The following TCF4 variants were observed in gnomAD, a reference collection of about 807,000 sequenced individuals.
TCF4 encodes the protein SL3-3 enhancer factor 2.
TCF4 carries 3 observed loss-of-function variants against 82.1 expected under a neutral mutation model. That is an observed-to-expected ratio of 0.04 (90% CI 0.02 to 0.09). The LOEUF (loss-of-function observed/expected upper bound fraction) is 0.09. Among genes scored for constraint, TCF4 ranks in the 10% least tolerant of loss-of-function variants. TCF4 has a pLI of 1.00. For missense variants in TCF4, 518 were observed against 852.7 expected (o/e 0.61, Z 4.89); for synonymous variants, 276 against 309.6 (o/e 0.89, Z 1.14).
intron 3 of TCF4, among the ~76,000 whole-genome samples, chr18:55,517,156 A>G (rs1603618421): frequency 6.6e-6 from 1 of 152,176 alleles, no homozygotes; most frequent in African/African-American, 2.4e-5. Context: ...GTTTCTTAGC[A>G]CCCTGATACT....
chr18:55,586,895 C>T, intron 2 of TCF4, 150 bp downstream of exon 2: 1 of 581,426 alleles, frequency 1.7e-6, no homozygotes. Flanking sequence ...TAGTTAAAAA[C>T]TTGTCAAAAA....
intron 10 of TCF4, among the ~76,000 whole-genome samples, chr18:55,273,370 T>G (rs187899536): frequency 1.3e-5 from 2 of 152,314 alleles, no homozygotes; most frequent in East Asian, 3.9e-4. Context: ...CTTAGCTTTT[T>G]CTTAAACTAT....
intron 8 of TCF4, chr18:55,321,391 C>T (rs1371087188): frequency 2.3e-5 from 11 of 481,660 alleles, no homozygotes; most frequent in Non-Finnish European, 3.3e-5. Context: ...CACCTCTCAA[C>T]TTTACCTGAC....
At chr18:55,399,756 G>A (rs1031703271) in intron 6 of TCF4, among the ~76,000 whole-genome samples, 2 of 151,896 alleles carry the variant, frequency 1.3e-5, no homozygotes, top group African/African-American at 4.8e-5. Context: ...AGAATAACCT[G>A]GGGAGTTGTC....
At chr18:55,330,383 T>C (rs924978037) in intron 8 of TCF4, among the ~76,000 whole-genome samples, 1 of 152,006 alleles carries the variant, frequency 6.6e-6, no homozygotes, top group Non-Finnish European at 1.5e-5. Context: ...TTTCGCTACG[T>C]TGGCCAGGAT....
At chr18:55,505,006 TACCTACA>T (rs2096738153) in intron 3 of TCF4, among the ~76,000 whole-genome samples, 1 of 152,204 alleles carries the variant, frequency 6.6e-6, no homozygotes, top group African/African-American at 2.4e-5. Flanking sequence ...TTATCCGTCT[TACCTACA>T]GCAATAAAAC....
chr18:55,422,268 T>C, intron 5 of TCF4: 8 of 985,062 alleles, frequency 8.1e-6, no homozygotes, highest in Non-Finnish European at 9.6e-6. Flanking sequence ...AAAAAGCATG[T>C]GGATGAATAA....
intron 2 of TCF4, among the ~76,000 whole-genome samples, chr18:55,614,423 A>T (rs1362602387): frequency 6.6e-6 from 1 of 152,176 alleles, no homozygotes; most frequent in Non-Finnish European, 1.5e-5. Context: ...ATTCCTCCAC[A>T]TCCCTAAAGC....
chr18:55,567,196 A>G (rs2097417266), intron 3 of TCF4, among the ~76,000 whole-genome samples: 1 of 152,240 alleles, frequency 6.6e-6, no homozygotes. Context: ...TAATTATACC[A>G]ATATCAGACA....
intron 15 of TCF4, among the ~76,000 whole-genome samples, chr18:55,236,861 C>G (rs2144766129): frequency 6.6e-6 from 1 of 152,278 alleles, no homozygotes. Flanking sequence ...AAGGATGACT[C>G]TAAGTCAAAA....
At chr18:55,439,771 A>G (rs2095404634) in intron 5 of TCF4, among the ~76,000 whole-genome samples, 1 of 152,170 alleles carries the variant, frequency 6.6e-6, no homozygotes, top group South Asian at 2.1e-4. Flanking sequence ...CACCGAGGCA[A>G]GAGTATAACG....
At chr18:55,592,806 A>G (rs2097687025), upstream of TCF4, among the ~76,000 whole-genome samples, 1 of 152,184 alleles carries the variant, frequency 6.6e-6, no homozygotes, top group Admixed American at 6.5e-5. Context: ...ATAGGGAAAC[A>G]AGAACCATGA....
chr18:55,281,433 T>G (rs570515625), intron 8 of TCF4, among the ~76,000 whole-genome samples: 1 of 152,252 alleles, frequency 6.6e-6, no homozygotes, highest in South Asian at 2.1e-4. Context: ...CTATAATATA[T>G]CTACACGCTA....
chr18:55,311,643 T>G (rs1270229266), intron 8 of TCF4, among the ~76,000 whole-genome samples: 1 of 152,230 alleles, frequency 6.6e-6, no homozygotes, highest in African/African-American at 2.4e-5. Flanking sequence ...TAGTATGTGA[T>G]AGTCTGACTT....
intron 15 of TCF4, among the ~76,000 whole-genome samples, chr18:55,252,676 G>A: frequency 6.6e-6 from 1 of 152,138 alleles, no homozygotes; most frequent in East Asian, 1.9e-4. Flanking sequence ...GGAAAAAATA[G>A]TCTCTGAAGC....
intron 8 of TCF4, among the ~76,000 whole-genome samples, chr18:55,331,269 T>G (rs1345795405): frequency 1.3e-5 from 2 of 152,158 alleles, no homozygotes; most frequent in Non-Finnish European, 2.9e-5. Flanking sequence ...GATCTGCAGC[T>G]CTCTGTGATC....
At chr18:55,513,218 T>C (rs924231894) in intron 3 of TCF4, among the ~76,000 whole-genome samples, 1 of 152,174 alleles carries the variant, frequency 6.6e-6, no homozygotes, top group Non-Finnish European at 1.5e-5. Context: ...AAACTATTCC[T>C]TTTACTGGAC....
chr18:55,425,518 A>G (rs1394284711), intron 5 of TCF4, among the ~76,000 whole-genome samples: 1 of 150,596 alleles, frequency 6.6e-6, no homozygotes, highest in African/African-American at 2.4e-5. Flanking sequence ...AAGTCAAGGA[A>G]AAAAAAAAAC....
At chr18:55,330,809 C>T (rs887889154) in intron 8 of TCF4, among the ~76,000 whole-genome samples, 2 of 152,096 alleles carry the variant, frequency 1.3e-5, no homozygotes, top group African/African-American at 4.8e-5. Context: ...CCTCGTGATC[C>T]GCCCGCCCCG....
Sources: gnomAD v4.1 joint callset for allele counts (sites outside exome capture counted in the v4.1 genomes callset) on GRCh38, gnomAD v4.1.1 for gene constraint, MANE v1.5 for transcripts, NCBI Gene and HGNC (gene_info 2026-07-23, HGNC 2026-07-21) for gene names.